The following ARMH2 variants were observed in gnomAD, a reference collection of about 807,000 sequenced individuals.
ARMH2 encodes armadillo-like helical domain-containing protein 2.
Under a neutral mutation model 9.0 loss-of-function variants are expected in ARMH2, and 5 were observed. The ratio of observed to expected loss-of-function variants is 0.56; its 90% CI spans 0.29 to 1.17. The LOEUF is 1.17. ARMH2 is among the 50% of genes most tolerant of loss of function. ARMH2 has a pLI of 0.08. For missense variants in ARMH2, 236 were observed against 268.3 expected, an observed-to-expected ratio of 0.88 and a Z score of 0.84; for synonymous variants, 74 against 93.1, an observed-to-expected ratio of 0.79 and a Z score of 1.18.
intron 1 of ARMH2, among the ~76,000 whole-genome samples, 170 bp downstream of exon 1, chr6:24,798,423 G>A (rs185415000): frequency 3.9e-5 from 6 of 152,190 alleles, no homozygotes; most frequent in African/African-American, 1.4e-4. Context: ...GGCCAAGAGT[G>A]AGTATTTCAA....
chr6:24,798,564 C>T (rs1272498666), intron 1 of ARMH2, 29 bp downstream of exon 1: 9 of 1,501,074 alleles, frequency 6.0e-6, no homozygotes, highest in Non-Finnish European at 8.0e-6. Context: ...GTGAAACACT[C>T]ATTTTAGCAC....
chr6:24,798,912 AC>A lies in ARMH2; in HGVS notation c.-56del. 6.8e-7 allele frequency: 1 copy of A among 1,476,908 alleles called. No homozygotes were observed. The highest frequency in any genetic ancestry group is 9.0e-7 in the Non-Finnish European group (1 of 1,111,822). 91.5% of individuals were successfully genotyped at this position (1,476,908 alleles called of 1,614,324 possible). A position where few individuals can be genotyped will look rare whatever the true frequency, so the allele number is the denominator to read the frequency against. On this transcript the variant is annotated 5_prime_UTR_variant, in exon 1 of 2. Transcript: ENST00000565469. ...ACACCACTGGCAGTCACAGGAGTTC[AC>A]AGTCAAGAACTCTGGAATGCATCAC...
rs1581438109 is a variant in ARMH2, at chr6:24,798,730, TC to T, written c.127del (p.Glu43LysfsTer23). 6.5e-7 allele frequency: 1 copy of T among 1,534,980 alleles called. No homozygotes were observed. The highest frequency in any genetic ancestry group is 8.7e-7 in the Non-Finnish European group (1 of 1,146,506). On this transcript the variant is annotated frameshift_variant, in exon 1 of 2. Transcript: ENST00000565469. LOFTEE classifies it high-confidence loss of function. ...AGTCTCAGCTGAAGGGATTTTTTTT[TC>T]CTTCTTCTTAACAAAAAAGCCCTTA... Reference protein sequence around the residue: ...TVKGFFVKKKEKKIPSAETYF... With the variant: ...TVKGFFVKKKXKKIPSAETYF...
rs936639344 is a variant in ARMH2, at chr6:24,797,666, G to T, written c.437C>A (p.Pro146His). 5.9e-6 allele frequency: 9 copies of T among 1,535,338 alleles called. No homozygotes were observed. The highest frequency in any genetic ancestry group is 7.8e-6 in the Non-Finnish European group (9 of 1,146,736). Residue 146 changes from proline (P) to histidine (H), a missense_variant, in exon 2 of 2, where the codon CCT becomes CAT. Physicochemically the swap from Pro to His is moderately conservative, Grantham distance 77 (BLOSUM62 -2). Coordinates refer to ENST00000565469, the MANE Select transcript of ARMH2 (RefSeq NM_001282492.2). ...QKRAKSLQFI[P>H]ILISFFEGRF... ...GCCTTCAAAAAAACTAATGAGAATA[G>T]GAATAAATTGCAGACTTTTGGCTCT... is the stretch of plus-strand genomic sequence containing the variant.
Position 24,798,874 on chromosome 6 carries a change from T to C in ARMH2, c.-17A>G. ...GTTAGCCATTGTGTAAAAAGGCCAG[T>C]GGTCCTTCAGGTACACCACTGGCAG... On this transcript the variant is annotated 5_prime_UTR_variant, in exon 1 of 2. Transcript: ENST00000565469. The C allele has an allele frequency of 6.5e-7, 1 of 1,531,028 alleles. No individual in the cohort carries two copies. Among genetic ancestry groups the C allele is most frequent in the Non-Finnish European group, 8.7e-7 (1 of 1,144,290 alleles). The allele number at this position is 1,531,028 out of a possible 1,614,324, so 94.8% of individuals were successfully genotyped here.
rs1485216970 is a variant in ARMH2, at chr6:24,797,369, AAT to A, written c.*39_*40del. 1 of 1,477,908 alleles carries A rather than the reference AAT, an allele frequency of 6.8e-7. No homozygotes were observed. Among genetic ancestry groups the A allele is most frequent in the Non-Finnish European group, 9.0e-7 (1 of 1,105,292 alleles). The allele number at this position is 1,477,908 out of a possible 1,614,324, so 91.5% of individuals were successfully genotyped here. ...ATTGTTTATTTCAGTTTTCCAGGGT[AAT>A]ACACAGAGAGCTGCAACATGTAACT... On this transcript the variant is annotated 3_prime_UTR_variant, in exon 2 of 2. Coordinates refer to ENST00000565469, the MANE Select transcript of ARMH2 (RefSeq NM_001282492.2).
intron 1 of ARMH2, among the ~76,000 whole-genome samples, chr6:24,798,168 G>A (rs1780508518): frequency 6.6e-6 from 1 of 151,846 alleles, no homozygotes; most frequent in Admixed American, 6.6e-5. Context: ...CCAGGCTGGA[G>A]TGCAATGGCA....
At position 24,797,820 on chromosome 6, in the gene ARMH2, T is replaced by A; in HGVS notation, c.283A>T (p.Asn95Tyr). ...TCTTCCATGTACTCAGCTGCAAAGT[T>A]CCCAGCAGGTGGTCCTCCTGTAAAA... ...LAFTGGPPAG[N>Y]FAAEYMEEVA... The change falls in exon 2 of 2, where the codon AAC (asparagine) becomes TAC (tyrosine). Residue 95 changes from asparagine (N) to tyrosine (Y), a missense_variant. Transcript: ENST00000565469. The A allele has an allele frequency of 6.5e-7, 1 of 1,533,660 alleles. No homozygotes were observed. The highest frequency in any genetic ancestry group is 8.7e-7 in the Non-Finnish European group (1 of 1,145,812).
chr6:24,798,143 T>G (rs1780508148), intron 1 of ARMH2, among the ~76,000 whole-genome samples: 1 of 150,990 alleles, frequency 6.6e-6, no homozygotes, highest in African/African-American at 2.4e-5. Context: ...TGAGACGGAG[T>G]TTTGCTCTTT....
intron 1 of ARMH2, among the ~76,000 whole-genome samples, chr6:24,798,179 C>T (rs376730596): frequency 1.3e-5 from 2 of 151,954 alleles, no homozygotes; most frequent in East Asian, 1.9e-4. Flanking sequence ...TGCAATGGCA[C>T]GATCTCAGCT....
chr6:24,798,511 G>A (rs1780514040), intron 1 of ARMH2, 82 bp downstream of exon 1: 1 of 1,380,068 alleles, frequency 7.2e-7, no homozygotes, highest in Non-Finnish European at 9.6e-7. Context: ...TAAGATTACA[G>A]CTAAGAAAAA....
At position 24,798,886 on chromosome 6, in the gene ARMH2, T is replaced by C. The variant is rs117504978; in HGVS notation, c.-29A>G. On this transcript the variant is annotated 5_prime_UTR_variant, in exon 1 of 2. Transcript: ENST00000565469. Reference sequence around the variant, plus strand: ...GTAAAAAGGCCAGTGGTCCTTCAGGTACACCACTGGCAGTCACAGGAGTTC... The same window carrying C: ...GTAAAAAGGCCAGTGGTCCTTCAGGCACACCACTGGCAGTCACAGGAGTTC... 1,093 of 1,524,140 alleles carry C rather than the reference T, an allele frequency of 7.2e-4. 19 individuals are homozygous for C. In the East Asian group the frequency reaches 0.025, roughly 35 times the overall value. 94.4% of individuals were successfully genotyped at this position (1,524,140 alleles called of 1,614,324 possible).
Position 24,797,554 on chromosome 6 carries a change from G to T in ARMH2, c.549C>A (p.Cys183Ter), listed in dbSNP as rs750400292. ...WTCYVLSVMTCNNLSCVKELK... is the reference protein window; with the variant it reads ...WTCYVLSVMT ...GCTCCTTGACGCAAGACAAGTTATTGCATGTCATGACAGAGAGAACGTAAC... is the reference window on the plus strand; with the variant it reads ...GCTCCTTGACGCAAGACAAGTTATTTCATGTCATGACAGAGAGAACGTAAC... Residue 183 changes from cysteine (C) to a stop codon, truncating the protein, a stop_gained, in exon 2 of 2, where the codon TGC becomes TGA. Transcript: ENST00000565469. LOFTEE classifies it low-confidence loss of function (END_TRUNC). 9 of 1,535,474 alleles carry T rather than the reference G, an allele frequency of 5.9e-6. No homozygotes were observed. Among genetic ancestry groups the T allele is most frequent in the Non-Finnish European group, 7.8e-6 (9 of 1,146,738 alleles).
chr6:24,798,255 T>C (rs1440005094), intron 1 of ARMH2, among the ~76,000 whole-genome samples: 2 of 152,108 alleles, frequency 1.3e-5, no homozygotes, highest in African/African-American at 2.4e-5. Flanking sequence ...TAGCTGGTAT[T>C]ACAGGCATGC....
rs1226995737 is a variant in ARMH2 at position 24,797,951 on chromosome 6, A to G, written c.266-114T>C. On this transcript the variant is annotated intron_variant, in intron 1 of 1. Transcript: ENST00000565469. ...TTGCCCTGTAGAGGATACTTTGGAT[A>G]CTTTGAATTTTCCTGTCGTTTTCCC... The G allele has an allele frequency of 2.5e-6, 3 of 1,186,610 alleles. 1 individual carries two copies. 73.5% of individuals were successfully genotyped at this position (1,186,610 alleles called of 1,614,324 possible).
intron 1 of ARMH2, among the ~76,000 whole-genome samples, chr6:24,798,158 C>T (rs1780508299): frequency 6.6e-6 from 1 of 151,774 alleles, no homozygotes; most frequent in Admixed American, 6.6e-5. Flanking sequence ...CTCTTTTTGC[C>T]CAGGCTGGAG....
chr6:24,798,666 C>T lies in ARMH2; in HGVS notation c.192G>A (p.Val64=). The T allele has an allele frequency of 6.5e-7, 1 of 1,535,428 alleles. No homozygotes were observed. The highest frequency in any genetic ancestry group is 1.4e-5 in the African/African-American group (1 of 73,136). The change falls in exon 1 of 2, where the codon GTG becomes GTA. Residue 64 remains valine (V), a synonymous_variant. Coordinates refer to ENST00000565469, the MANE Select transcript of ARMH2 (RefSeq NM_001282492.2). ...HEEKIVVLGQ[V]LMNESLPIEK... ...CAATGGGTAGAGATTCATTCATCAA[C>T]ACTTGGCCAAGTACAACAATTTTTT...
At position 24,797,762 on chromosome 6, in the gene ARMH2, G is replaced by A. The variant is rs772056644; in HGVS notation, c.341C>T (p.Ala114Val). Residue 114 changes from alanine (A) to valine (V), a missense_variant, in exon 2 of 2, where the codon GCA becomes GTA. Coordinates refer to ENST00000565469, the MANE Select transcript of ARMH2 (RefSeq NM_001282492.2). ...VAHLLQDEELAPKIKILLLQS... is the reference protein window; with the variant it reads ...VAHLLQDEELVPKIKILLLQS... ...GAGCAGCAGGATCTTTATTTTTGGT[G>A]CCAACTCCTCATCTTGCAACAAGTG... The A allele has an allele frequency of 1.3e-5, 20 of 1,535,276 alleles. No homozygotes were observed. The highest frequency in any genetic ancestry group is 1.7e-5 in the Non-Finnish European group (20 of 1,146,728).
At chr6:24,798,372 C>T (rs541841404) in intron 1 of ARMH2, among the ~76,000 whole-genome samples, 4 of 152,242 alleles carry the variant, frequency 2.6e-5, no homozygotes, top group Admixed American at 2.6e-4. Flanking sequence ...CCACCTTGGC[C>T]TCACAAAGTG....
Sources: allele counts gnomAD v4.1 joint callset (sites outside exome capture counted in the v4.1 genomes callset), GRCh38; gene constraint gnomAD v4.1.1; transcripts MANE v1.5; gene names NCBI Gene and HGNC (gene_info 2026-07-23, HGNC 2026-07-21).